Variants in PIWIL2 observed in about 807,000 individuals in gnomAD.
PIWIL2 encodes the protein piwi like RNA-mediated gene silencing 2, also known as piwi-like protein 2.
PIWIL2 carries 81 observed loss-of-function variants against 116.5 expected under a neutral mutation model. The ratio of observed to expected loss-of-function variants is 0.70; its 90% CI spans 0.58 to 0.84. The LOEUF (loss-of-function observed/expected upper bound fraction) is 0.84, where lower values mean the gene tolerates loss of function less well. Among genes scored for constraint, PIWIL2 ranks in the 40% least tolerant of loss-of-function variants. The pLI, the probability that PIWIL2 is intolerant of heterozygous loss-of-function variation, is 0.00. For missense variants in PIWIL2, 1,272 were observed against 1,212.3 expected, an observed-to-expected ratio of 1.05 and a Z score of -0.73; for synonymous variants, 489 against 429.5, an observed-to-expected ratio of 1.14 and a Z score of -1.71.
At chr8:22,325,481 C>CTTTTTTTTTTTTTTT (rs749493740) in intron 20 of PIWIL2, among the ~76,000 whole-genome samples, 1 of 95,028 alleles carries the variant, frequency 1.1e-5, no homozygotes, top group Non-Finnish European at 2.0e-5. Flanking sequence ...TTGATTTAGT[C>CTTTTTTTTTTTTTTT]TTTTTTTTTT....
intron 4 of PIWIL2, among the ~76,000 whole-genome samples, chr8:22,281,987 G>T (rs1391104633): frequency 6.6e-6 from 1 of 151,154 alleles, no homozygotes; most frequent in Non-Finnish European, 1.5e-5. Context: ...TCGCCAGGCT[G>T]GTCTTGAGCT....
intron 9 of PIWIL2, 122 bp from the exon 10 acceptor site, chr8:22,290,111 C>T (rs1830725416): frequency 1.4e-6 from 1 of 714,766 alleles, no homozygotes; most frequent in East Asian, 2.7e-5. Flanking sequence ...AACTTAGTTT[C>T]TTGAGGCTTT....
chr8:22,321,294 G>A (rs561492825), intron 20 of PIWIL2, among the ~76,000 whole-genome samples: 1 of 151,852 alleles, frequency 6.6e-6, no homozygotes, highest in East Asian at 1.9e-4. Flanking sequence ...AAAATTTTTA[G>A]TAGAAATGAG....
At chr8:22,279,146 C>T (rs1830443244) in intron 1 of PIWIL2, among the ~76,000 whole-genome samples, 195 bp from the exon 2 acceptor site, 1 of 152,092 alleles carries the variant, frequency 6.6e-6, no homozygotes, top group Non-Finnish European at 1.5e-5. Flanking sequence ...AGGTTGGGGA[C>T]CACTGCTCTG....
intron 1 of PIWIL2, among the ~76,000 whole-genome samples, chr8:22,277,638 T>C (rs1461894788): frequency 6.6e-6 from 1 of 151,870 alleles, no homozygotes; most frequent in Non-Finnish European, 1.5e-5. Flanking sequence ...CCCAGAGTGC[T>C]GGGATTACAG....
chr8:22,307,987 TG>T lies in PIWIL2; in HGVS notation c.1601del (p.Cys534SerfsTer16). 6.2e-7 allele frequency: 1 copy of T among 1,613,774 alleles called. No individual in the cohort carries two copies. Among genetic ancestry groups the T allele is most frequent in the Non-Finnish European group, 8.5e-7 (1 of 1,179,812 alleles). ...CAAGCAACACCATAGTGCTTTGGAA[TG>T]CTTGCTGCAAAGAATTGCAAAGAAC... ...SPKQHHSALE[C>X]LLQRIAKNEA... On this transcript the variant is annotated frameshift_variant, in exon 14 of 23. Transcript: ENST00000356766. LOFTEE classifies it high-confidence loss of function.
At chr8:22,295,931 A>G (rs1269439223) in intron 10 of PIWIL2, among the ~76,000 whole-genome samples, 1 of 151,710 alleles carries the variant, frequency 6.6e-6, no homozygotes, top group African/African-American at 2.4e-5. Context: ...CCATCTTAGA[A>G]ATGTCTGTTA....
rs545332534 is a variant in PIWIL2 at position 22,339,276 on chromosome 8, G to A, written c.2404-13683G>A. Among the ~76,000 whole-genome samples the A allele has an allele frequency of 5.3e-5, 8 of 152,264 alleles. No individual in the cohort carries two copies. In the South Asian group the frequency reaches 1.7e-3, roughly 32 times the overall value. On this transcript the variant is annotated intron_variant, in intron 20 of 22. Transcript: ENST00000356766. ...TAATCCCAGCACTTTGGGAGGCCGA[G>A]GTGGGCAGATCACGAGATCAGGAGA... is the stretch of plus-strand genomic sequence containing the variant.
chr8:22,302,213 CGCTCTGTCACCAG>C (rs1831066790), intron 10 of PIWIL2, among the ~76,000 whole-genome samples: 1 of 151,734 alleles, frequency 6.6e-6, no homozygotes. Context: ...GATGGGGTCT[CGCTCTGTCACCAG>C]GCTAAAGTGC....
At chr8:22,308,167 G>T in intron 14 of PIWIL2, 94 bp downstream of exon 14, 39 of 890,676 alleles carry the variant, frequency 4.4e-5, no homozygotes, top group East Asian at 2.0e-4. Context: ...TATTTTGAAT[G>T]TTTGTCCATG....
At chr8:22,336,896 A>T (rs1831992689) in intron 20 of PIWIL2, among the ~76,000 whole-genome samples, 1 of 152,218 alleles carries the variant, frequency 6.6e-6, no homozygotes, top group Non-Finnish European at 1.5e-5. Flanking sequence ...CTGATAACTA[A>T]GATCAGGAAT....
intron 22 of PIWIL2, among the ~76,000 whole-genome samples, chr8:22,354,774 G>A (rs577608539): frequency 2.0e-5 from 3 of 152,160 alleles, no homozygotes; most frequent in South Asian, 2.1e-4. Flanking sequence ...TGTTGTTTTC[G>A]TATAAAAACA....
At chr8:22,275,715 C>T (rs1038649681) in intron 1 of PIWIL2, 1 of 152,494 alleles carries the variant, frequency 6.6e-6, no homozygotes, top group Non-Finnish European at 1.5e-5. Context: ...AGGTGCTTTT[C>T]TCGGGGTGGA....
rs572813016 is a variant in PIWIL2 at position 22,345,511 on chromosome 8, A to G, written c.2404-7448A>G. Among the ~76,000 whole-genome samples the G allele has an allele frequency of 1.4e-3, 217 of 152,022 alleles. 1 individual carries two copies. The highest frequency in any genetic ancestry group is 5.0e-3 in the African/African-American group (208 of 41,468). ...CCGCATCTCTAGTAAAAATACAAAA[A>G]CAATTAGCTGGGCATGGTGGTGTGC... On this transcript the variant is annotated intron_variant, in intron 20 of 22. Transcript: ENST00000356766.
At chr8:22,288,325 A>G (rs1830678054) in intron 7 of PIWIL2, among the ~76,000 whole-genome samples, 2 of 151,680 alleles carry the variant, frequency 1.3e-5, no homozygotes, top group Non-Finnish European at 1.5e-5. Context: ...AAAATTGCAA[A>G]TGTAAACTTG....
chr8:22,344,829 T>C (rs945136824), intron 20 of PIWIL2, among the ~76,000 whole-genome samples: 1 of 152,182 alleles, frequency 6.6e-6, no homozygotes, highest in African/African-American at 2.4e-5. Context: ...TGAGCCGTGA[T>C]TGTGCCGCTG....
At chr8:22,318,315 G>GTTTT in intron 20 of PIWIL2, 40 bp downstream of exon 20, 1 of 1,186,364 alleles carries the variant, frequency 8.4e-7, no homozygotes, top group Non-Finnish European at 1.2e-6. Flanking sequence ...GGGGTTTTTT[G>GTTTT]TTTTTTTATT....
At chr8:22,287,274 T>C (rs1471351915) in intron 6 of PIWIL2, among the ~76,000 whole-genome samples, 1 of 152,196 alleles carries the variant, frequency 6.6e-6, no homozygotes, top group Non-Finnish European at 1.5e-5. Flanking sequence ...TATGAAAGAA[T>C]ATACACTGAC....
intron 6 of PIWIL2, among the ~76,000 whole-genome samples, chr8:22,284,612 T>A (rs1011106920): frequency 6.6e-6 from 1 of 152,012 alleles, no homozygotes; most frequent in Non-Finnish European, 1.5e-5. Context: ...ATGTGTAATT[T>A]TGTATTCTTT....
Sources: gnomAD v4.1 joint callset for allele counts (sites outside exome capture counted in the v4.1 genomes callset) on GRCh38, gnomAD v4.1.1 for gene constraint, MANE v1.5 for transcripts, NCBI Gene and HGNC (gene_info 2026-07-23, HGNC 2026-07-21) for gene names.